FAM120B: variants seen among roughly 807,000 people sequenced by gnomAD.
FAM120B encodes constitutive coactivator of peroxisome proliferator-activated receptor gamma.
In FAM120B, 83 loss-of-function variants were observed where a neutral mutation model predicts 96.3. That is an observed-to-expected ratio of 0.86 (90% CI 0.72 to 1.03). The LOEUF (loss-of-function observed/expected upper bound fraction) is 1.03. Among genes scored for constraint, FAM120B ranks in the 50% least tolerant of loss-of-function variants. FAM120B has a pLI of 0.00. For synonymous variants in FAM120B, 407 were observed against 402.7 expected, an observed-to-expected ratio of 1.01 and a Z score of -0.13; for missense variants, 1,027 against 1,121.2, an observed-to-expected ratio of 0.92 and a Z score of 1.20.
chr6:170,354,784 C>A (rs1787793461), intron 5 of FAM120B, among the ~76,000 whole-genome samples: 1 of 151,920 alleles, frequency 6.6e-6, no homozygotes, highest in Admixed American at 6.6e-5. Flanking sequence ...AAAAAATTAG[C>A]CAGGAGTGAT....
intron 6 of FAM120B, among the ~76,000 whole-genome samples, chr6:170,377,924 A>AACACAGGCTCACGCTGCTCGGTGCTGT (rs1789662280): frequency 6.6e-6 from 1 of 152,104 alleles, no homozygotes; most frequent in Admixed American, 6.5e-5. Flanking sequence ...CGCCTGGGAG[A>AACACAGGCTCACGCTGCTCGGTGCTGT]GCACCATTCA....
In FAM120B at chr6:170,388,284, C is replaced by T; in HGVS notation, c.2284-3C>T. The T allele has an allele frequency of 1.2e-6, 2 of 1,613,296 alleles. No homozygotes were observed. Among genetic ancestry groups the T allele is most frequent in the Non-Finnish European group, 1.7e-6 (2 of 1,179,980 alleles). On this transcript the variant is annotated splice_region_variant and splice_polypyrimidine_tract_variant and intron_variant, in intron 6 of 10. Transcript: ENST00000476287. ...TTTTTGGTGTGTGTTCTGGTCTCCA[C>T]AGCCTGATTACATCAACCCCAGAGC...
intron 1 of FAM120B, among the ~76,000 whole-genome samples, chr6:170,301,540 T>C (rs1784141931): frequency 6.6e-6 from 1 of 152,268 alleles, no homozygotes; most frequent in Non-Finnish European, 1.5e-5. Context: ...CTTGAATTTC[T>C]CCCCCAGAAA....
chr6:170,348,116 A>C (rs778539928), intron 4 of FAM120B, 35 bp from the exon 5 acceptor site: 1 of 1,573,532 alleles, frequency 6.4e-7, no homozygotes, highest in Non-Finnish European at 8.7e-7. Context: ...TGTGCTGCAA[A>C]GAACAATAGT....
rs529060262 is a variant in FAM120B, at chr6:170,337,068, G to A, written c.2017+6518G>A. Among the ~76,000 whole-genome samples the A allele has an allele frequency of 1.1e-4, 17 of 152,158 alleles. No individual in the cohort carries two copies. The East Asian group carries it at 3.3e-3, about 29-fold the overall frequency. On this transcript the variant is annotated intron_variant, in intron 4 of 10. Coordinates refer to ENST00000476287, the MANE Select transcript of FAM120B (RefSeq NM_032448.3). Reference sequence around the variant, plus strand: ...TGCCCTGGACAGAACTTCCAATACTGTGTTGAATAGGAGTGGTGAGAGAGG... The same window carrying A: ...TGCCCTGGACAGAACTTCCAATACTATGTTGAATAGGAGTGGTGAGAGAGG...
Position 170,318,101 on chromosome 6 carries a change from C to T in FAM120B, c.711C>T (p.Gly237=). The T allele has an allele frequency of 1.9e-6, 3 of 1,614,218 alleles. No homozygotes were observed. The highest frequency in any genetic ancestry group is 2.5e-6 in the Non-Finnish European group (3 of 1,180,038). The change falls in exon 2 of 11, where the codon GGC becomes GGT. Residue 237 remains glycine, a synonymous_variant. Coordinates refer to ENST00000476287, the MANE Select transcript of FAM120B (RefSeq NM_032448.3). The part of the protein sequence containing the change: ...CLLGNDIIPE[G]MFESFRYKCL... ...TTGGCAACGACATAATCCCAGAGGG[C>T]ATGTTTGAAAGCTTTAGGTACAAAT... is the stretch of plus-strand genomic sequence containing the variant.
intron 6 of FAM120B, among the ~76,000 whole-genome samples, chr6:170,386,181 C>T (rs1790176393): frequency 2.6e-5 from 4 of 152,076 alleles, no homozygotes; most frequent in South Asian, 2.1e-4. Context: ...CAGGGATTGG[C>T]GGGTGGAGGC....
chr6:170,400,747 A>T (rs1778528958), intron 9 of FAM120B, among the ~76,000 whole-genome samples: 1 of 152,222 alleles, frequency 6.6e-6, no homozygotes, highest in South Asian at 2.1e-4. Context: ...TTTTCTGTTA[A>T]AAATAAAGCA....
upstream of FAM120B, among the ~76,000 whole-genome samples, chr6:170,306,105 T>C (rs1201384360): frequency 6.6e-6 from 1 of 152,220 alleles, no homozygotes; most frequent in Non-Finnish European, 1.5e-5. Flanking sequence ...CTAGCAAACC[T>C]GCCTGAAACA....
At chr6:170,400,749 A>T (rs1778529076) in intron 9 of FAM120B, among the ~76,000 whole-genome samples, 1 of 152,228 alleles carries the variant, frequency 6.6e-6, no homozygotes, top group African/African-American at 2.4e-5. Flanking sequence ...TTCTGTTAAA[A>T]ATAAAGCAAT....
chr6:170,319,893 G>A (rs1285605603), intron 2 of FAM120B, among the ~76,000 whole-genome samples: 2 of 152,246 alleles, frequency 1.3e-5, no homozygotes, highest in African/African-American at 2.4e-5. Flanking sequence ...AGCCAAATTG[G>A]GAAGGTTATT....
Position 170,358,271 on chromosome 6 carries a change from G to A in FAM120B, c.2236G>A (p.Ala746Thr). ...GGATTTGCATGCGTTTATTGCGCAG[G>A]CCTTGTGCCTCCAAGGAAAATCCAC... ...LEDLHAFIAQALCLQGKSTSQ... is the reference protein window; with the variant it reads ...LEDLHAFIAQTLCLQGKSTSQ... The change falls in exon 6 of 11, where the codon GCC (alanine) becomes ACC (threonine). Residue 746 changes from alanine (A) to threonine (T), a missense_variant. Physicochemically the swap from Ala to Thr is moderately conservative, Grantham distance 58. Around this residue, in one of 3 missense-constraint regions of FAM120B, gnomAD observed 880 missense variants for 980.9 expected, o/e 0.90. Coordinates refer to ENST00000476287, the MANE Select transcript of FAM120B (RefSeq NM_032448.3). 1 of 1,607,364 alleles carries A rather than the reference G, an allele frequency of 6.2e-7. No homozygotes were observed. The highest frequency in any genetic ancestry group is 8.5e-7 in the Non-Finnish European group (1 of 1,175,738).
chr6:170,376,858 G>C (rs186740789), intron 6 of FAM120B, among the ~76,000 whole-genome samples: 77 of 152,186 alleles, frequency 5.1e-4, no homozygotes, highest in Middle Eastern at 3.4e-3. Flanking sequence ...CCCTAGAGAA[G>C]AGGAGGAAGT....
chr6:170,302,732 T>C (rs1381067520), upstream of FAM120B, among the ~76,000 whole-genome samples: 1 of 152,192 alleles, frequency 6.6e-6, no homozygotes, highest in Non-Finnish European at 1.5e-5. Flanking sequence ...TAAACCTCCA[T>C]CCTATTTATA....
intron 9 of FAM120B, among the ~76,000 whole-genome samples, chr6:170,396,588 C>A (rs1042137207): frequency 6.6e-6 from 1 of 152,156 alleles, no homozygotes; most frequent in Non-Finnish European, 1.5e-5. Context: ...TCAACCCCAC[C>A]GAGTCGTGCA....
rs771646897 is a variant in FAM120B at position 170,318,658 on chromosome 6, A to G, written c.1268A>G (p.Gln423Arg). 2.5e-5 allele frequency: 40 copies of G among 1,589,256 alleles called. No homozygotes were observed. The highest frequency in any genetic ancestry group is 3.3e-5 in the Non-Finnish European group (38 of 1,166,714). ...ATGTGTACAGGCCCTGAAGCCAGGC[A>G]AGAAGTTCCCATGTATACAGACTCT... ...VPMCTGPEAR[Q>R]EVPMYTDSEP... Residue 423 changes from glutamine to arginine, a missense_variant, in exon 2 of 11, where the codon CAA (glutamine) becomes CGA (arginine). Coordinates refer to ENST00000476287, the MANE Select transcript of FAM120B (RefSeq NM_032448.3).
chr6:170,344,784 C>T (rs1056413584), intron 4 of FAM120B, among the ~76,000 whole-genome samples: 3 of 152,238 alleles, frequency 2.0e-5, no homozygotes, highest in Admixed American at 1.3e-4. Context: ...CTGCCAGAGT[C>T]CTCCTGCATA....
At chr6:170,321,049 G>T (rs1390844116) in intron 2 of FAM120B, among the ~76,000 whole-genome samples, 2 of 152,232 alleles carry the variant, frequency 1.3e-5, no homozygotes, top group Admixed American at 6.5e-5. Flanking sequence ...AAGAGACTTT[G>T]TTGGGGAAGG....
chr6:170,404,458 T>A, intron 9 of FAM120B, 92 bp from the exon 10 acceptor site: 1 of 1,124,476 alleles, frequency 8.9e-7, no homozygotes, highest in Non-Finnish European at 1.3e-6. Context: ...CAGCTCAGCA[T>A]CTTTGTTCAT....
Sources: gnomAD v4.1 joint callset for allele counts (sites outside exome capture counted in the v4.1 genomes callset) on GRCh38, gnomAD v4.1.1 for gene constraint, gnomAD v4.1.1 regional missense constraint, MANE v1.5 for transcripts, NCBI Gene and HGNC (gene_info 2026-07-23, HGNC 2026-07-21) for gene names.